WIPF1: variants seen among roughly 807,000 people sequenced by gnomAD.
The protein encoded by WIPF1 is WAS/WASL interacting protein family member 1.
A neutral mutation model predicts 35.4 loss-of-function variants in WIPF1; 13 were observed. That is an observed-to-expected ratio of 0.37 (90% confidence interval 0.24 to 0.58). WIPF1 has a LOEUF of 0.58. Ranked by LOEUF, WIPF1 falls within the 20% of genes least tolerant of loss-of-function variation. WIPF1 has a pLI of 0.74. For missense variants in WIPF1, 591 were observed against 667.0 expected, an observed-to-expected ratio of 0.89 and a Z score of 1.25; for synonymous variants, 267 against 266.3, an observed-to-expected ratio of 1.00 and a Z score of -0.02.
chr2:174,658,119 T>C (rs867564736), intron 1 of WIPF1, among the ~76,000 whole-genome samples: 160 of 152,170 alleles, frequency 1.1e-3, no homozygotes, highest in African/African-American at 3.6e-3. Context: ...GAGGACAGGA[T>C]GCACAGGCAG....
upstream of WIPF1, among the ~76,000 whole-genome samples, chr2:174,598,464 A>G (rs1685893518): frequency 6.6e-6 from 1 of 152,114 alleles, no homozygotes. Flanking sequence ...GGCATATGCC[A>G]CTGCACCTGG....
intron 1 of WIPF1, chr2:174,634,694 G>A (rs1687133644): frequency 6.6e-6 from 1 of 152,244 alleles, no homozygotes; most frequent in South Asian, 2.1e-4. Context: ...TGCTTCACAT[G>A]GGGGTAACCC....
Position 174,585,630 on chromosome 2 carries a change from G to A in WIPF1, c.-38-19C>T, listed in dbSNP as rs906238263. On this transcript the variant is annotated intron_variant, in intron 1 of 7. Transcript: ENST00000679041. ...GATAAATCTGGAAAAACAAGAATGC[G>A]ATCATGTATTAGATGTAATCTTAGT... The A allele has an allele frequency of 1.1e-5, 17 of 1,523,250 alleles. No homozygotes were observed. Among genetic ancestry groups the A allele is most frequent in the South Asian group, 2.3e-5 (2 of 87,792 alleles). 94.4% of individuals were successfully genotyped at this position (1,523,250 alleles called of 1,614,324 possible).
chr2:174,638,814 T>C (rs930603580), intron 1 of WIPF1, among the ~76,000 whole-genome samples: 1 of 152,220 alleles, frequency 6.6e-6, no homozygotes, highest in Non-Finnish European at 1.5e-5. Context: ...TTCCCACATC[T>C]TGGCTATTGT....
Position 174,590,955 on chromosome 2 carries a change from A to G in WIPF1, c.-38-5344T>C, listed in dbSNP as rs1443336078. Among the ~76,000 whole-genome samples the G allele has an allele frequency of 6.6e-6, 1 of 152,160 alleles. No homozygotes were observed. Among genetic ancestry groups the G allele is most frequent in the African/African-American group, 2.4e-5 (1 of 41,426 alleles). On this transcript the variant is annotated intron_variant, in intron 1 of 7. Coordinates refer to ENST00000679041, the MANE Select transcript of WIPF1 (RefSeq NM_001375834.1). The surrounding 1 kb of genome is among the most constrained non-coding windows in gnomAD (Gnocchi z 4.6). ...ACGGTCTGAACTATGTCCCCTGCAA[A>G]AGTGATATGCTGAATTCCTGACCCT...
intron 1 of WIPF1, among the ~76,000 whole-genome samples, chr2:174,666,858 A>G (rs915272581): frequency 6.6e-5 from 10 of 152,246 alleles, no homozygotes; most frequent in African/African-American, 2.4e-4. Context: ...AAACTTCTCA[A>G]TTTGAATCCT....
At chr2:174,567,245 C>G (rs546167717) in intron 6 of WIPF1, 62 bp from the exon 7 acceptor site, 1 of 1,446,906 alleles carries the variant, frequency 6.9e-7, no homozygotes, top group Admixed American at 1.7e-5. Flanking sequence ...ACTTACGTAA[C>G]GAAAGGCACA....
chr2:174,634,253 A>G (rs899487418), intron 1 of WIPF1, among the ~76,000 whole-genome samples: 1 of 152,262 alleles, frequency 6.6e-6, no homozygotes, highest in Non-Finnish European at 1.5e-5. Flanking sequence ...AAGTTATTTA[A>G]AGAACATCCG....
In WIPF1 at chr2:174,561,324, A is replaced by T. The variant is rs1430179; in HGVS notation, c.*1223T>A. The T allele has an allele frequency of 6.6e-6, 1 of 152,262 alleles. No individual in the cohort carries two copies. Among genetic ancestry groups the T allele is most frequent in the South Asian group, 2.1e-4 (1 of 4,830 alleles). The allele number at this position is 152,262 out of a possible 1,614,324, so 9.4% of individuals were successfully genotyped here. A position where few individuals can be genotyped will look rare whatever the true frequency, so the allele number is the denominator to read the frequency against. ...TTCTTCCATGTTTCTGATTTGATAT[A>T]TTTTCCTGACTTTTTTCCCCTCCTA... is the stretch of plus-strand genomic sequence containing the variant. On this transcript the variant is annotated 3_prime_UTR_variant, in exon 8 of 8. Transcript: ENST00000679041.
intron 1 of WIPF1, among the ~76,000 whole-genome samples, chr2:174,636,634 G>A (rs577094019): frequency 2.6e-5 from 4 of 152,102 alleles, no homozygotes; most frequent in Non-Finnish European, 5.9e-5. Context: ...ACATTTAGTC[G>A]TCGTGTTTCT....
chr2:174,575,895 A>G (rs1219414934), intron 3 of WIPF1, among the ~76,000 whole-genome samples: 1 of 152,142 alleles, frequency 6.6e-6, no homozygotes, highest in East Asian at 1.9e-4. Context: ...ATGCCATAAA[A>G]GGCGAGAAGA....
chr2:174,647,449 C>T (rs1037174257), intron 1 of WIPF1, among the ~76,000 whole-genome samples: 13 of 151,724 alleles, frequency 8.6e-5, no homozygotes, highest in African/African-American at 2.4e-4. Flanking sequence ...TCTCAGCTCA[C>T]GGCAACCTCT....
At chr2:174,601,186 C>T (rs1462024173), upstream of WIPF1, among the ~76,000 whole-genome samples, 1 of 152,092 alleles carries the variant, frequency 6.6e-6, no homozygotes, top group Non-Finnish European at 1.5e-5. Context: ...CTCAGCCTCC[C>T]AAAGTGCTGG....
intron 7 of WIPF1, chr2:174,566,726 GC>G (rs1177490366): frequency 2.5e-5 from 5 of 199,534 alleles, no homozygotes; most frequent in African/African-American, 1.2e-4. Context: ...CAGACATTAT[GC>G]CAATTTCAAA....
chr2:174,567,758 T>G, intron 6 of WIPF1, 103 bp downstream of exon 6: 1 of 1,296,200 alleles, frequency 7.7e-7, no homozygotes, highest in East Asian at 2.3e-5. Context: ...AGTGTGATAA[T>G]GATGGAACAA....
chr2:174,663,125 T>C (rs1687814018), intron 1 of WIPF1, among the ~76,000 whole-genome samples: 1 of 152,084 alleles, frequency 6.6e-6, no homozygotes, highest in Non-Finnish European at 1.5e-5. Flanking sequence ...TGGGAGAAAA[T>C]AAGGTCCGGA....
intron 1 of WIPF1, among the ~76,000 whole-genome samples, chr2:174,597,263 G>A (rs766306893): frequency 1.3e-4 from 20 of 152,184 alleles, no homozygotes; most frequent in Admixed American, 3.3e-4. Flanking sequence ...AGGCAGTTGT[G>A]TGGACAACTG....
intron 1 of WIPF1, among the ~76,000 whole-genome samples, chr2:174,645,570 C>G (rs1015083216): frequency 6.6e-6 from 1 of 152,200 alleles, no homozygotes; most frequent in African/African-American, 2.4e-5. Context: ...ATTAACAATC[C>G]TGCAAAAGCC....
At chr2:174,589,484 T>C (rs1685537926) in intron 1 of WIPF1, among the ~76,000 whole-genome samples, 1 of 152,182 alleles carries the variant, frequency 6.6e-6, no homozygotes, top group African/African-American at 2.4e-5. Flanking sequence ...CCTCCTCTCA[T>C]GGACTTGACA....
Sources: allele counts gnomAD v4.1 joint callset (sites outside exome capture counted in the v4.1 genomes callset), GRCh38; gene constraint gnomAD v4.1.1; non-coding constraint Gnocchi (gnomAD v3.1); transcripts MANE v1.5; gene names NCBI Gene and HGNC (gene_info 2026-07-23, HGNC 2026-07-21).